KIAA0319L: variants seen among roughly 807,000 people sequenced by gnomAD.
The protein encoded by KIAA0319L is dyslexia-associated protein KIAA0319-like protein.
In KIAA0319L, 55 loss-of-function variants were observed where a neutral mutation model predicts 120.1. That is an observed-to-expected ratio of 0.46 (90% confidence interval 0.37 to 0.57). The LOEUF is 0.57. KIAA0319L is among the 20% of genes least tolerant of loss of function. The pLI is 0.00. For missense variants in KIAA0319L, 1,049 were observed against 1,255.3 expected (o/e 0.84, Z 2.48); for synonymous variants, 398 against 471.9 (o/e 0.84, Z 2.03).
intron 2 of KIAA0319L, among the ~76,000 whole-genome samples, chr1:35,514,362 A>AT (rs1198422119): frequency 7.1e-6 from 1 of 140,538 alleles, no homozygotes; most frequent in African/African-American, 3.0e-5. Flanking sequence ...GATGCTAGGG[A>AT]TTAAAAAAAA....
rs762715699 is a variant in KIAA0319L, at chr1:35,454,362, C to G, written c.1780G>C (p.Glu594Gln). 3.1e-6 allele frequency: 5 copies of G among 1,613,816 alleles called. No homozygotes were observed. The highest frequency in any genetic ancestry group is 3.4e-6 in the Non-Finnish European group (4 of 1,179,816). Residue 594 changes from glutamate to glutamine, a missense_variant and splice_region_variant, in exon 11 of 21, where the codon GAA (glutamate) becomes CAA (glutamine). Physicochemically the swap from Glu to Gln is conservative, Grantham distance 29. Transcript: ENST00000325722. Reference protein sequence around the residue: ...TAQVTVIVQPENNKPPQADAG... With the variant: ...TAQVTVIVQPQNNKPPQADAG... The stretch of plus-strand genomic sequence containing the variant: ...CCTGAACCACAAGGCTGGAGCTTAC[C>G]AGGTTGCACAATAACAGTCACTTGA...
At chr1:35,510,585 C>CATTTATTTATTT (rs113216756) in intron 2 of KIAA0319L, 65 of 147,142 alleles carry the variant, frequency 4.4e-4, no homozygotes, top group African/African-American at 1.6e-3. Context: ...CTTTTAAAAA[C>CATTTATTTATTT]ATTTATTTAT....
chr1:35,456,165 G>T lies in KIAA0319L; in HGVS notation c.1504C>A (p.Pro502Thr), dbSNP rs368938917. Residue 502 changes from proline to threonine, a missense_variant, in exon 10 of 21, where the codon CCC (proline) becomes ACC (threonine). By Grantham distance (38) the Pro-to-Thr change is conservative. Transcript: ENST00000325722. ...NLTVNKAVDY[P>T]PVANAGPNQV... ...TTGGGGCCTGCGTTGGCCACAGGGG[G>T]GTAATCCACAGCTTTGTTCACTGTC... is the stretch of plus-strand genomic sequence containing the variant. 1 of 1,613,558 alleles carries T rather than the reference G, an allele frequency of 6.2e-7. No individual in the cohort carries two copies. Among genetic ancestry groups the T allele is most frequent in the East Asian group, 2.2e-5 (1 of 44,846 alleles).
intron 3 of KIAA0319L, among the ~76,000 whole-genome samples, chr1:35,501,867 A>G (rs553167798): frequency 6.9e-6 from 1 of 145,402 alleles, no homozygotes; most frequent in African/African-American, 2.8e-5. Context: ...AATAAGAGCA[A>G]AATTCCATCT....
intron 7 of KIAA0319L, among the ~76,000 whole-genome samples, chr1:35,464,583 GAAAAC>G: frequency 6.6e-6 from 1 of 152,326 alleles, no homozygotes; most frequent in South Asian, 2.1e-4. Flanking sequence ...CAATGCAATA[GAAAAC>G]AAAATCCCAT....
chr1:35,550,349 C>T (rs957048275), intron 2 of KIAA0319L, among the ~76,000 whole-genome samples: 3 of 152,044 alleles, frequency 2.0e-5, no homozygotes, highest in Admixed American at 6.5e-5. Flanking sequence ...TGTATTTTAT[C>T]GGAAAAAAAT....
intron 3 of KIAA0319L, among the ~76,000 whole-genome samples, chr1:35,480,798 T>G (rs1031178879): frequency 5.3e-5 from 8 of 151,510 alleles, no homozygotes; most frequent in Non-Finnish European, 8.8e-5. Flanking sequence ...AAAAAAAAAA[T>G]CAAATTGGTT....
At chr1:35,484,826 C>CT (rs1289759390) in intron 3 of KIAA0319L, among the ~76,000 whole-genome samples, 1 of 113,780 alleles carries the variant, frequency 8.8e-6, no homozygotes, top group Non-Finnish European at 1.8e-5. Flanking sequence ...TTATTATACT[C>CT]TAAGTTTTAG....
At chr1:35,504,686 C>G (rs1645146116) in intron 3 of KIAA0319L, among the ~76,000 whole-genome samples, 1 of 152,174 alleles carries the variant, frequency 6.6e-6, no homozygotes, top group Non-Finnish European at 1.5e-5. Context: ...CATTCCTAAC[C>G]CCTACACTGT....
chr1:35,518,977 C>CA (rs766877681), intron 2 of KIAA0319L, among the ~76,000 whole-genome samples: 4,801 of 58,628 alleles, frequency 0.082, 144 homozygotes, highest in Non-Finnish European at 0.12. Context: ...GACTCTGTCT[C>CA]AAAAAAAAAA....
At chr1:35,472,419 G>T (rs1643679261) in intron 5 of KIAA0319L, among the ~76,000 whole-genome samples, 1 of 151,978 alleles carries the variant, frequency 6.6e-6, no homozygotes, top group African/African-American at 2.4e-5. Context: ...AGCCTCCCAA[G>T]TGGCTAGGAT....
chr1:35,461,374 G>A (rs1358811673), intron 8 of KIAA0319L, among the ~76,000 whole-genome samples: 2 of 152,142 alleles, frequency 1.3e-5, no homozygotes, highest in Non-Finnish European at 2.9e-5. Flanking sequence ...GCTGAGGCAG[G>A]AGAATTGCTT....
chr1:35,476,211 G>A (rs574865153), intron 4 of KIAA0319L, among the ~76,000 whole-genome samples: 2 of 152,260 alleles, frequency 1.3e-5, no homozygotes, highest in East Asian at 3.9e-4. Context: ...TCTTTGTCAT[G>A]GAGGGAAATG....
At chr1:35,511,438 A>C (rs1645440396) in intron 2 of KIAA0319L, 1 of 152,316 alleles carries the variant, frequency 6.6e-6, no homozygotes, top group Non-Finnish European at 1.5e-5. Context: ...AATTTATAAC[A>C]AAGTCATCAA....
In KIAA0319L at chr1:35,434,938, G is replaced by A. The variant is rs749829544; in HGVS notation, c.3106C>T (p.Gln1036Ter). ...HGQNGSVPNG[Q>*]TPLKARSPRE... ...GGGCTCCTGGCCTTCAGAGGGGTCT[G>A]CCCGTTGGGTACAGAGCCATTCTGA... The change falls in exon 21 of 21, where the codon CAG becomes TAG. Residue 1036 changes from glutamine (Q) to a stop codon, truncating the protein, a stop_gained. Transcript: ENST00000325722. LOFTEE classifies it high-confidence loss of function. 1.9e-6 allele frequency: 3 copies of A among 1,613,708 alleles called. No individual in the cohort carries two copies. Among genetic ancestry groups the A allele is most frequent in the African/African-American group, 1.3e-5 (1 of 74,906 alleles).
At chr1:35,443,299 C>A in intron 17 of KIAA0319L, 1 of 397,328 alleles carries the variant, frequency 2.5e-6, no homozygotes, top group Non-Finnish European at 4.6e-6. Context: ...CCCACACATC[C>A]CCTTCTCACA....
intron 2 of KIAA0319L, among the ~76,000 whole-genome samples, chr1:35,522,396 C>T (rs1246138012): frequency 6.6e-6 from 1 of 152,104 alleles, no homozygotes; most frequent in Admixed American, 6.5e-5. Flanking sequence ...TCTCCTGCCT[C>T]AGCCTCTTGA....
intron 20 of KIAA0319L, chr1:35,435,340 C>A: frequency 2.4e-6 from 1 of 418,954 alleles, no homozygotes; most frequent in East Asian, 4.3e-5. Flanking sequence ...CTCCAGTATC[C>A]ATGAGCTTTG....
intron 16 of KIAA0319L, among the ~76,000 whole-genome samples, chr1:35,447,268 A>G (rs946688599): frequency 6.6e-6 from 1 of 151,214 alleles, no homozygotes; most frequent in African/African-American, 2.5e-5. Context: ...CAAATTATGG[A>G]AATTCCTTGC....
Sources: gnomAD v4.1 joint callset for allele counts (sites outside exome capture counted in the v4.1 genomes callset) on GRCh38, gnomAD v4.1.1 for gene constraint, MANE v1.5 for transcripts, NCBI Gene and HGNC (gene_info 2026-07-23, HGNC 2026-07-21) for gene names.